The following CLDN16 variants were observed in gnomAD, a reference collection of about 807,000 sequenced individuals.
The protein encoded by CLDN16 is claudin-16.
Under a neutral mutation model 24.6 loss-of-function variants are expected in CLDN16, and 13 were observed. The ratio of observed to expected loss-of-function variants is 0.53; its 90% confidence interval spans 0.34 to 0.84. CLDN16 has a LOEUF of 0.84. Among genes scored for constraint, CLDN16 ranks in the 40% least tolerant of loss-of-function variants. The pLI, the probability that CLDN16 is intolerant of heterozygous loss-of-function variation, is 0.01. For missense variants in CLDN16, 298 were observed against 292.7 expected (o/e 1.02, Z -0.13); for synonymous variants, 116 against 106.7 (o/e 1.09, Z -0.54).
At chr3:190,379,091 T>G (rs1469631696) in intron 3 of CLDN16, among the ~76,000 whole-genome samples, 1 of 152,118 alleles carries the variant, frequency 6.6e-6, no homozygotes, top group Non-Finnish European at 1.5e-5. Context: ...TTTGTTGTTG[T>G]TGAGCCTCAG....
intron 3 of CLDN16, among the ~76,000 whole-genome samples, chr3:190,405,457 G>GAA (rs554897563): frequency 2.4e-5 from 3 of 123,504 alleles, no homozygotes; most frequent in Non-Finnish European, 5.2e-5. Flanking sequence ...AGGAAATAAA[G>GAA]AAAAAAAAAA....
chr3:190,300,882 A>G, the CLDN16 span, among the ~76,000 whole-genome samples: 2 of 152,220 alleles, frequency 1.3e-5, no homozygotes, highest in Non-Finnish European at 2.9e-5. Context: ...CTGTGACCCT[A>G]ACACACCAGA....
At chr3:190,318,934 A>G (rs1716841382), upstream of CLDN16, among the ~76,000 whole-genome samples, 1 of 152,186 alleles carries the variant, frequency 6.6e-6, no homozygotes, top group Non-Finnish European at 1.5e-5. Flanking sequence ...AGCAAGTTAA[A>G]CAGGCTAGAG....
chr3:190,377,783 C>T (rs1718276504), intron 3 of CLDN16, among the ~76,000 whole-genome samples: 1 of 151,954 alleles, frequency 6.6e-6, no homozygotes, highest in African/African-American at 2.4e-5. Flanking sequence ...ATGAATCTTA[C>T]AGGTAGAGCT....
At chr3:190,383,494 A>G (rs1183996498), upstream of CLDN16, among the ~76,000 whole-genome samples, 1 of 152,156 alleles carries the variant, frequency 6.6e-6, no homozygotes, top group Non-Finnish European at 1.5e-5. Flanking sequence ...GAGTGGCTAT[A>G]AAGAGATTTG....
intron 1 of CLDN16, among the ~76,000 whole-genome samples, chr3:190,349,230 A>G (rs4686544): frequency 0.4 from 61,414 of 151,960 alleles, 13,024 homozygotes; most frequent in East Asian, 0.83. Flanking sequence ...CATGGGGATG[A>G]ATTTCCCCTT....
chr3:190,368,596 T>C (rs1449571713), intron 1 of CLDN16, among the ~76,000 whole-genome samples: 3 of 151,960 alleles, frequency 2.0e-5, no homozygotes, highest in Non-Finnish European at 4.4e-5. Context: ...GGAATAAAAG[T>C]GGACAAGTGA....
the CLDN16 span, among the ~76,000 whole-genome samples, chr3:190,293,083 G>T: frequency 1.3e-5 from 2 of 152,146 alleles, no homozygotes; most frequent in African/African-American, 4.8e-5. Flanking sequence ...TTAAAGAAAA[G>T]ATGTTTATTG....
upstream of CLDN16, among the ~76,000 whole-genome samples, chr3:190,383,142 G>A (rs1260509848): frequency 6.6e-6 from 1 of 152,014 alleles, no homozygotes; most frequent in African/African-American, 2.4e-5. Flanking sequence ...AGCCCCTAGT[G>A]GACCAGCTAT....
chr3:190,291,432 A>AG, the CLDN16 span, among the ~76,000 whole-genome samples: 1 of 152,236 alleles, frequency 6.6e-6, no homozygotes, highest in Admixed American at 6.5e-5. Flanking sequence ...GTGTAACAGA[A>AG]GTGAAGAGAG....
intron 1 of CLDN16, among the ~76,000 whole-genome samples, chr3:190,393,195 T>C (rs1279474357): frequency 2.0e-5 from 3 of 152,190 alleles, no homozygotes; most frequent in African/African-American, 4.8e-5. Context: ...GGTGGTGATG[T>C]TACTCACCAA....
chr3:190,331,104 C>T (rs1400486470), intron 1 of CLDN16, among the ~76,000 whole-genome samples: 1 of 152,168 alleles, frequency 6.6e-6, no homozygotes, highest in African/African-American at 2.4e-5. Flanking sequence ...GTTACTCTGA[C>T]CTTTGCTACC....
At chr3:190,294,056 G>A in the CLDN16 span, among the ~76,000 whole-genome samples, 476 of 152,310 alleles carry the variant, frequency 3.1e-3, 5 homozygotes, top group Non-Finnish European at 4.7e-3. Context: ...TTGACAGAAT[G>A]TCAGGAAGGA....
chr3:190,387,592 A>G (rs554761472), upstream of CLDN16, among the ~76,000 whole-genome samples: 2 of 152,292 alleles, frequency 1.3e-5, no homozygotes, highest in Admixed American at 1.3e-4. Flanking sequence ...GGGCTCTCAG[A>G]CCATAAATTC....
intron 1 of CLDN16, among the ~76,000 whole-genome samples, chr3:190,334,371 G>T (rs1287544328): frequency 1.3e-5 from 2 of 152,208 alleles, no homozygotes. Flanking sequence ...GGGAGCCATG[G>T]AATATGAAGC....
At chr3:190,327,456 G>T (rs1717089310) in intron 1 of CLDN16, among the ~76,000 whole-genome samples, 1 of 152,058 alleles carries the variant, frequency 6.6e-6, no homozygotes, top group East Asian at 1.9e-4. Context: ...AGATTCTAAG[G>T]GCTTTGTTGT....
the CLDN16 span, among the ~76,000 whole-genome samples, chr3:190,296,188 T>C: frequency 1.3e-5 from 2 of 152,200 alleles, no homozygotes; most frequent in Admixed American, 6.5e-5. Flanking sequence ...ATAATATACA[T>C]AAACATATAA....
chr3:190,325,270 C>G (rs942331939), intron 1 of CLDN16, among the ~76,000 whole-genome samples: 1 of 152,182 alleles, frequency 6.6e-6, no homozygotes, highest in Non-Finnish European at 1.5e-5. Context: ...CGTGTCCATG[C>G]CTTTGACTGC....
chr3:190,355,655 A>G (rs567211763), intron 1 of CLDN16, among the ~76,000 whole-genome samples: 415 of 151,982 alleles, frequency 2.7e-3, no homozygotes, highest in Non-Finnish European at 4.5e-3. Flanking sequence ...TGTTGTTACA[A>G]TGTTTTATAT....
Sources: allele counts gnomAD v4.1 joint callset (sites outside exome capture counted in the v4.1 genomes callset), GRCh38; gene constraint gnomAD v4.1.1; transcripts MANE v1.5; gene names NCBI Gene and HGNC (gene_info 2026-07-23, HGNC 2026-07-21).